The following VPS51 variants were observed in gnomAD, a reference collection of about 807,000 sequenced individuals.
VPS51 encodes VPS51 subunit of GARP complex.
In VPS51, 55 loss-of-function variants were observed where a neutral mutation model predicts 65.1. That is an observed-to-expected ratio of 0.84 (90% confidence interval 0.68 to 1.06). VPS51 has a LOEUF of 1.06. VPS51 is among the 50% of genes least tolerant of loss of function. The pLI is 0.00. For synonymous variants in VPS51, 473 were observed against 489.5 expected (o/e 0.97, Z 0.44); for missense variants, 943 against 1,101.6 (o/e 0.86, Z 2.04).
intron 5 of VPS51, 78 bp from the exon 6 acceptor site, chr11:65,109,202 A>G: frequency 3.4e-6 from 5 of 1,478,762 alleles, no homozygotes; most frequent in Non-Finnish European, 4.6e-6. Context: ...TGGGGCACTT[A>G]GAGCCCCAGC....
intron 2 of VPS51, among the ~76,000 whole-genome samples, chr11:65,100,525 G>GTTTTTTTTTTTTTTT (rs36120079): frequency 1.5e-5 from 1 of 65,614 alleles, no homozygotes; most frequent in Non-Finnish European, 2.8e-5. Flanking sequence ...TCATAGCAGT[G>GTTTTTTTTTTTTTTT]TTTTTTTTTT....
intron 7 of VPS51, 33 bp downstream of exon 7, chr11:65,109,956 G>A (rs765097983): frequency 1.0e-4 from 155 of 1,551,228 alleles, no homozygotes; most frequent in Non-Finnish European, 1.3e-4. Flanking sequence ...TAGCCCTGAC[G>A]CAGGCTGGGG....
intron 9 of VPS51, 39 bp from the exon 10 acceptor site, chr11:65,111,288 T>G: frequency 6.3e-7 from 1 of 1,598,886 alleles, no homozygotes; most frequent in Non-Finnish European, 8.5e-7. Flanking sequence ...CACACACACC[T>G]GCAGTCCCCA....
intron 7 of VPS51, 38 bp downstream of exon 7, chr11:65,109,961 C>G (rs1182656283): frequency 6.5e-7 from 1 of 1,541,794 alleles, no homozygotes; most frequent in Non-Finnish European, 8.7e-7. Flanking sequence ...CTGACGCAGG[C>G]TGGGGGTACT....
At position 65,109,864 on chromosome 11, in the gene VPS51, C is replaced by T. The variant is rs766154023; in HGVS notation, c.1819C>T (p.Arg607Trp). The part of the protein sequence containing the change: ...TRDWLSTLEP[R>W]NVRAVMKRVV... The stretch of plus-strand genomic sequence containing the variant: ...CGACTGGCTCAGCACTCTGGAGCCC[C>T]GGAATGTGCGGGCCGTCATGAAGCG... Residue 607 changes from arginine to tryptophan, a missense_variant, in exon 7 of 10, where the codon CGG becomes TGG. Arg to Trp is a moderately radical substitution (Grantham distance 101, BLOSUM62 -3). Around this residue, in one of 2 missense-constraint regions of VPS51, gnomAD observed 855 missense variants for 953.7 expected, o/e 0.90. Coordinates refer to ENST00000279281, the MANE Select transcript of VPS51 (RefSeq NM_013265.4). The T allele has an allele frequency of 8.7e-6, 14 of 1,611,558 alleles. No individual in the cohort carries two copies. Among genetic ancestry groups the T allele is most frequent in the Middle Eastern group, 1.7e-4 (1 of 6,030 alleles).
At chr11:65,110,195 C>G in intron 7 of VPS51, 1 of 625,298 alleles carries the variant, frequency 1.6e-6, no homozygotes, top group East Asian at 2.8e-5. Flanking sequence ...ATCTTCGCCC[C>G]TATTTTACCT....
chr11:65,111,685 C>G lies in VPS51; in HGVS notation c.*98C>G. On this transcript the variant is annotated 3_prime_UTR_variant, in exon 10 of 10. Coordinates refer to ENST00000279281, the MANE Select transcript of VPS51 (RefSeq NM_013265.4). ...CCCGCAGGCAGGTGTCAGGACCGGC[C>G]TAATAAACATGTGTGGCCTCCTCCT... 2 of 1,450,050 alleles carry G rather than the reference C, an allele frequency of 1.4e-6. No individual in the cohort carries two copies. Among genetic ancestry groups the G allele is most frequent in the Non-Finnish European group, 1.8e-6 (2 of 1,100,280 alleles). The allele number at this position is 1,450,050 out of a possible 1,614,324, so 89.8% of individuals were successfully genotyped here.
intron 9 of VPS51, 94 bp from the exon 10 acceptor site, chr11:65,111,232 TC>T (rs1294771848): frequency 3.2e-6 from 5 of 1,563,312 alleles, no homozygotes; most frequent in Admixed American, 1.8e-5. Flanking sequence ...CCCAGCTACT[TC>T]CATCGTATGT....
At chr11:65,099,132 A>C (rs954177355) in intron 2 of VPS51, among the ~76,000 whole-genome samples, 1 of 152,122 alleles carries the variant, frequency 6.6e-6, no homozygotes, top group Non-Finnish European at 1.5e-5. Context: ...AGGTTGCGTG[A>C]GGAAGGTGTT....
chr11:65,107,584 C>T lies in VPS51; in HGVS notation c.362C>T (p.Thr121Ile). 6.3e-7 allele frequency: 1 copy of T among 1,585,918 alleles called. No homozygotes were observed. Among genetic ancestry groups the T allele is most frequent in the Non-Finnish European group, 8.6e-7 (1 of 1,158,920 alleles). Reference sequence around the variant, plus strand: ...TTCCCCGCCCCTGCCCTCCTAGACACCATCCGGAAGATGAAGAACGATTTC... The same window carrying T: ...TTCCCCGCCCCTGCCCTCCTAGACATCATCCGGAAGATGAAGAACGATTTC... ...NYNKFISATD[T>I]IRKMKNDFRK... The change falls in exon 3 of 10, where the codon ACC (threonine) becomes ATC (isoleucine). Residue 121 changes from threonine to isoleucine, a missense_variant. By Grantham distance (89) the Thr-to-Ile change is moderately conservative (BLOSUM62 -1). Around this residue, in one of 2 missense-constraint regions of VPS51, gnomAD observed 855 missense variants for 953.7 expected, o/e 0.90. Transcript: ENST00000279281. The surrounding 1 kb of genome is among the most constrained non-coding windows in gnomAD (Gnocchi z 4.0).
rs564565017 is a variant in VPS51 at position 65,107,386 on chromosome 11, G to A, written c.359-195G>A. The A allele has an allele frequency of 1.8e-5, 12 of 674,736 alleles. 1 individual carries two copies. Among genetic ancestry groups the A allele is most frequent in the Non-Finnish European group, 3.0e-5 (12 of 395,190 alleles). The allele number at this position is 674,736 out of a possible 1,614,324, so 41.8% of individuals were successfully genotyped here. On this transcript the variant is annotated intron_variant, in intron 2 of 9. Coordinates refer to ENST00000279281, the MANE Select transcript of VPS51 (RefSeq NM_013265.4). This position sits in a 1 kb window ranked among gnomAD's most constrained non-coding sequence, Gnocchi z 4.0. ...TACGGGGAGTATGTGAGTAACGCCT[G>A]CTTTGGGAACATAAACCCCCTCCCC...
chr11:65,110,089 G>T lies in VPS51; in HGVS notation c.1878+166G>T, dbSNP rs545625688. 1.3e-5 allele frequency: 10 copies of T among 759,358 alleles called. No individual in the cohort carries two copies. In the South Asian group the frequency reaches 1.6e-4, roughly 13 times the overall value. 47.0% of individuals were successfully genotyped at this position (759,358 alleles called of 1,614,324 possible). ...TTCTGTAGCCAGGGCGTCCGTGAGG[G>T]AACCCCAGGGGAACAAGTCTCCAAG... is the stretch of plus-strand genomic sequence containing the variant. On this transcript the variant is annotated intron_variant, in intron 7 of 9. Transcript: ENST00000279281.
Position 65,096,336 on chromosome 11 carries a change from G to T in VPS51, c.86G>T (p.Arg29Leu), listed in dbSNP as rs1165689580. The change falls in exon 1 of 10, where the codon CGT becomes CTT. Residue 29 changes from arginine to leucine, a missense_variant. Around this residue, in one of 2 missense-constraint regions of VPS51, gnomAD observed 855 missense variants for 953.7 expected, o/e 0.90. Coordinates refer to ENST00000279281, the MANE Select transcript of VPS51 (RefSeq NM_013265.4). ...GGGCCCGAGGGGGAGGCTCCGGAGC[G>T]TCGGCGGAAGGCGCACGGGATGCTG... ...PEGPEGEAPE[R>L]RRKAHGMLKL... 2.0e-6 allele frequency: 3 copies of T among 1,516,420 alleles called. No individual in the cohort carries two copies. Among genetic ancestry groups the T allele is most frequent in the Non-Finnish European group, 2.6e-6 (3 of 1,138,250 alleles). 93.9% of individuals were successfully genotyped at this position (1,516,420 alleles called of 1,614,324 possible).
chr11:65,097,176 C>T (rs1188907759), intron 2 of VPS51, 49 bp downstream of exon 2: 1 of 1,610,862 alleles, frequency 6.2e-7, no homozygotes, highest in Admixed American at 1.7e-5. Flanking sequence ...CCCCCATTCT[C>T]CCACCTGTGT....
chr11:65,110,227 G>T (rs1196111023), intron 7 of VPS51: 4 of 651,432 alleles, frequency 6.1e-6, no homozygotes, highest in African/African-American at 5.5e-5. Flanking sequence ...GAGGCTCAGG[G>T]TTACCCAGGA....
chr11:65,110,422 C>A, intron 7 of VPS51, 60 bp from the exon 8 acceptor site: 1 of 1,612,568 alleles, frequency 6.2e-7, no homozygotes, highest in Non-Finnish European at 8.5e-7. Flanking sequence ...TCCTCAGCAC[C>A]GATGGGCTGG....
At chr11:65,110,380 C>T (rs536331904) in intron 7 of VPS51, 102 bp from the exon 8 acceptor site, 2 of 1,587,854 alleles carry the variant, frequency 1.3e-6, no homozygotes, top group Admixed American at 1.7e-5. Context: ...ACCCTGTGAT[C>T]CTTGTGATGC....
rs1378380636 is a variant in VPS51 at position 65,109,389 on chromosome 11, C to T, written c.1553C>T (p.Ala518Val). Residue 518 changes from alanine (A) to valine (V), a missense_variant, in exon 6 of 10, where the codon GCC becomes GTC. Coordinates refer to ENST00000279281, the MANE Select transcript of VPS51 (RefSeq NM_013265.4). ...FCDSPGEKGGATPPALLLLLS... is the reference protein window; with the variant it reads ...FCDSPGEKGGVTPPALLLLLS... Reference sequence around the variant, plus strand: ...GACAGCCCTGGGGAGAAGGGGGGTGCCACACCACCTGCCCTGCTCCTGCTG... The same window carrying T: ...GACAGCCCTGGGGAGAAGGGGGGTGTCACACCACCTGCCCTGCTCCTGCTG... 2.5e-6 allele frequency: 4 copies of T among 1,612,162 alleles called. No homozygotes were observed. Among genetic ancestry groups the T allele is most frequent in the South Asian group, 1.1e-5 (1 of 91,094 alleles).
Position 65,109,803 on chromosome 11 carries a change from C to A in VPS51, c.1758C>A (p.Val586=). 6.2e-7 allele frequency: 1 copy of A among 1,609,200 alleles called. No individual in the cohort carries two copies. Among genetic ancestry groups the A allele is most frequent in the South Asian group, 1.1e-5 (1 of 89,880 alleles). Residue 586 remains valine (V), a synonymous_variant, in exon 7 of 10, where the codon GTC becomes GTA. Coordinates refer to ENST00000279281, the MANE Select transcript of VPS51 (RefSeq NM_013265.4). ...LTHYVKVQGL[V]ISQMLRKSVE... is the part of the protein sequence containing the mutation. The stretch of plus-strand genomic sequence containing the variant: ...ACTACGTGAAGGTGCAGGGCCTGGT[C>A]ATATCACAGATGCTGCGCAAGAGCG...
Sources: allele counts gnomAD v4.1 joint callset (sites outside exome capture counted in the v4.1 genomes callset), GRCh38; gene constraint gnomAD v4.1.1; regional missense constraint gnomAD v4.1.1; non-coding constraint Gnocchi (gnomAD v3.1); transcripts MANE v1.5; gene names NCBI Gene and HGNC (gene_info 2026-07-23, HGNC 2026-07-21).